CFAP221: variants seen among roughly 807,000 people sequenced by gnomAD.
The protein encoded by CFAP221 is cilia- and flagella-associated protein 221.
A neutral mutation model predicts 113.1 loss-of-function variants in CFAP221; 97 were observed. The ratio of observed to expected loss-of-function variants is 0.86; its 90% CI spans 0.73 to 1.02. The LOEUF (loss-of-function observed/expected upper bound fraction) is 1.02. CFAP221 is among the 50% of genes least tolerant of loss of function. The pLI is 0.00. For synonymous variants in CFAP221, 331 were observed against 354.4 expected (o/e 0.93, Z 0.74); for missense variants, 1,025 against 1,013.4 (o/e 1.01, Z -0.16).
At chr2:119,558,350 A>G (rs1680974161) in intron 3 of CFAP221, among the ~76,000 whole-genome samples, 1 of 152,236 alleles carries the variant, frequency 6.6e-6, no homozygotes, top group Non-Finnish European at 1.5e-5. Flanking sequence ...CTGGGAACTC[A>G]TATCTTCACC....
At chr2:119,561,944 G>A (rs1574003177) in intron 5 of CFAP221, 70 bp from the exon 6 acceptor site, 7 of 953,498 alleles carry the variant, frequency 7.3e-6, no homozygotes, top group Non-Finnish European at 7.8e-6. Context: ...AAGAAATAAA[G>A]CATCTACAAG....
At chr2:119,569,799 A>T (rs1296219864) in intron 6 of CFAP221, among the ~76,000 whole-genome samples, 2 of 152,130 alleles carry the variant, frequency 1.3e-5, no homozygotes, top group South Asian at 2.1e-4. Context: ...TATCAAAGGC[A>T]TTCTTCATTT....
At chr2:119,637,575 G>T (rs1687196657) in intron 19 of CFAP221, among the ~76,000 whole-genome samples, 1 of 152,182 alleles carries the variant, frequency 6.6e-6, no homozygotes, top group African/African-American at 2.4e-5. Flanking sequence ...GCAGGGAGGG[G>T]CGCTACGTTG....
At chr2:119,639,749 A>G (rs766972728) in intron 20 of CFAP221, 32 bp from the exon 21 acceptor site, 20 of 1,558,242 alleles carry the variant, frequency 1.3e-5, no homozygotes, top group Non-Finnish European at 1.8e-5. Flanking sequence ...CTCACCAAAC[A>G]GTTGCTTCCC....
chr2:119,630,702 T>A, intron 18 of CFAP221, 25 bp downstream of exon 18: 1 of 1,604,200 alleles, frequency 6.2e-7, no homozygotes, highest in Non-Finnish European at 8.5e-7. Flanking sequence ...TCTTCCAGAA[T>A]CTCTCTCATC....
At chr2:119,636,689 C>A (rs1056602424) in intron 19 of CFAP221, among the ~76,000 whole-genome samples, 6 of 152,252 alleles carry the variant, frequency 3.9e-5, no homozygotes, top group African/African-American at 1.4e-4. Context: ...GGGATGTGGG[C>A]CTGGGAACAG....
chr2:119,643,235 A>G (rs992287415), intron 21 of CFAP221, among the ~76,000 whole-genome samples: 1 of 152,234 alleles, frequency 6.6e-6, no homozygotes, highest in African/African-American at 2.4e-5. Context: ...TTTGCCTTGT[A>G]TCTTTTGCCC....
At chr2:119,590,102 C>T (rs1319389074) in intron 7 of CFAP221, 1 of 152,152 alleles carries the variant, frequency 6.6e-6, no homozygotes, top group Non-Finnish European at 1.5e-5. Context: ...GGGAAGAATG[C>T]ATCTAACTCA....
Position 119,627,722 on chromosome 2 carries a change from C to G in CFAP221, c.1586C>G (p.Ser529Trp), listed in dbSNP as rs368635059. Residue 529 changes from serine to tryptophan, a missense_variant, in exon 16 of 24, where the codon TCG becomes TGG. Transcript: ENST00000413369. ...QDDYTSRFSV[S>W]PKEVLPFAFP... ...GATTATACCAGCCGGTTCTCTGTGT[C>G]GCCCAAGGAGGTGCTGCCCTTCGCT... The G allele has an allele frequency of 6.2e-7, 1 of 1,613,696 alleles. No individual in the cohort carries two copies. Among genetic ancestry groups the G allele is most frequent in the Non-Finnish European group, 8.5e-7 (1 of 1,179,940 alleles).
chr2:119,640,633 A>C (rs560960402), intron 21 of CFAP221, among the ~76,000 whole-genome samples: 1 of 152,164 alleles, frequency 6.6e-6, no homozygotes, highest in East Asian at 1.9e-4. Flanking sequence ...AATGATTATC[A>C]TCAGCTGTCA....
intron 14 of CFAP221, among the ~76,000 whole-genome samples, chr2:119,619,707 C>T (rs374165458): frequency 1.3e-5 from 2 of 152,190 alleles, no homozygotes; most frequent in East Asian, 1.9e-4. Context: ...AATTCCTCGA[C>T]AGCAAGGGAA....
intron 2 of CFAP221, among the ~76,000 whole-genome samples, chr2:119,548,742 C>T (rs984645137): frequency 6.6e-6 from 1 of 152,170 alleles, no homozygotes; most frequent in Admixed American, 6.5e-5. Context: ...CAGTGCTAGG[C>T]AGAGCAAAGA....
chr2:119,562,850 C>T (rs910085608), intron 6 of CFAP221, among the ~76,000 whole-genome samples: 1 of 152,134 alleles, frequency 6.6e-6, no homozygotes, highest in Admixed American at 6.6e-5. Context: ...ATGCTCTAAT[C>T]CCTTATGTCA....
intron 3 of CFAP221, among the ~76,000 whole-genome samples, chr2:119,557,597 T>G (rs1483087741): frequency 6.6e-6 from 1 of 152,250 alleles, no homozygotes; most frequent in African/African-American, 2.4e-5. Flanking sequence ...GAGTATCCTT[T>G]CTGCTACTAT....
At chr2:119,577,854 T>A (rs963033506) in intron 6 of CFAP221, among the ~76,000 whole-genome samples, 1 of 152,192 alleles carries the variant, frequency 6.6e-6, no homozygotes, top group Non-Finnish European at 1.5e-5. Flanking sequence ...TGGTTTCCTT[T>A]TTCTGTATAA....
intron 20 of CFAP221, 132 bp downstream of exon 20, chr2:119,638,549 C>G: frequency 8.6e-7 from 1 of 1,168,540 alleles, no homozygotes; most frequent in South Asian, 1.4e-5. Flanking sequence ...ATGGTAACAC[C>G]GCCCCTCATA....
At chr2:119,582,939 TA>T (rs1474821696) in intron 6 of CFAP221, among the ~76,000 whole-genome samples, 22 of 152,178 alleles carry the variant, frequency 1.4e-4, no homozygotes, top group African/African-American at 5.1e-4. Context: ...GTGGTAGAAA[TA>T]AGTTCAAATA....
At chr2:119,557,558 A>G (rs989188384) in intron 3 of CFAP221, among the ~76,000 whole-genome samples, 9 of 152,190 alleles carry the variant, frequency 5.9e-5, no homozygotes, top group Non-Finnish European at 1.2e-4. Flanking sequence ...AAATGCCTGG[A>G]TAATATTTCT....
chr2:119,647,750 A>G (rs1402772790), intron 22 of CFAP221, among the ~76,000 whole-genome samples: 2 of 152,198 alleles, frequency 1.3e-5, no homozygotes, highest in Non-Finnish European at 1.5e-5. Flanking sequence ...TTCAGGGAGA[A>G]AATTAGAAGT....
Sources: gnomAD v4.1 joint callset for allele counts (sites outside exome capture counted in the v4.1 genomes callset) on GRCh38, gnomAD v4.1.1 for gene constraint, MANE v1.5 for transcripts, NCBI Gene and HGNC (gene_info 2026-07-23, HGNC 2026-07-21) for gene names.